STAU2: variants seen among roughly 807,000 people sequenced by gnomAD.
The protein encoded by STAU2 is double-stranded RNA-binding protein Staufen homolog 2.
In STAU2, 20 loss-of-function variants were observed where a neutral mutation model predicts 65.9. That is an observed-to-expected ratio of 0.30 (90% confidence interval 0.21 to 0.44). The LOEUF (loss-of-function observed/expected upper bound fraction) is 0.44. Ranked by LOEUF, STAU2 falls within the 20% of genes least tolerant of loss-of-function variation. The pLI is 1.00. For synonymous variants in STAU2, 232 were observed against 233.9 expected (o/e 0.99, Z 0.07); for missense variants, 558 against 683.9 (o/e 0.82, Z 2.05).
At chr8:73,745,357 A>G (rs1454100230) in intron 1 of STAU2, among the ~76,000 whole-genome samples, 3 of 152,232 alleles carry the variant, frequency 2.0e-5, no homozygotes, top group Admixed American at 2.0e-4. Context: ...AGATTTTTCC[A>G]CCGCAGCTGA....
chr8:73,528,066 A>G (rs983045005), intron 13 of STAU2, among the ~76,000 whole-genome samples: 1 of 152,162 alleles, frequency 6.6e-6, no homozygotes, highest in Non-Finnish European at 1.5e-5. Context: ...TAAATGCTAT[A>G]CCTATCTTTC....
At chr8:73,693,023 T>C (rs1819444223) in intron 4 of STAU2, among the ~76,000 whole-genome samples, 1 of 151,842 alleles carries the variant, frequency 6.6e-6, no homozygotes, top group Admixed American at 6.6e-5. Flanking sequence ...TATCCAGGCA[T>C]GGTGGTGCGC....
intron 13 of STAU2, among the ~76,000 whole-genome samples, chr8:73,536,776 T>C (rs908498573): frequency 2.6e-5 from 4 of 152,084 alleles, no homozygotes; most frequent in Admixed American, 1.3e-4. Context: ...AGGTGGAAAA[T>C]GTGAACTTCC....
chr8:73,560,651 C>T (rs2128948891), intron 12 of STAU2, among the ~76,000 whole-genome samples: 1 of 152,246 alleles, frequency 6.6e-6, no homozygotes, highest in Non-Finnish European at 1.5e-5. Context: ...GCACTTAGTC[C>T]AGTCTTGCCC....
chr8:73,536,601 C>T (rs1806201807), intron 13 of STAU2, among the ~76,000 whole-genome samples: 2 of 152,112 alleles, frequency 1.3e-5, no homozygotes, highest in Admixed American at 6.5e-5. Flanking sequence ...TTAGGATTTT[C>T]ATCCCTGTTG....
At chr8:73,569,902 T>C (rs183492570) in intron 12 of STAU2, among the ~76,000 whole-genome samples, 1 of 152,294 alleles carries the variant, frequency 6.6e-6, no homozygotes, top group East Asian at 1.9e-4. Context: ...TCAGAATGCC[T>C]CTTCTCCTCC....
At chr8:73,494,040 C>G (rs1385827345) in intron 13 of STAU2, among the ~76,000 whole-genome samples, 2 of 151,606 alleles carry the variant, frequency 1.3e-5, no homozygotes, top group Non-Finnish European at 3.0e-5. Flanking sequence ...CTGAGATTTA[C>G]TGAAAAGGGA....
chr8:73,481,182 C>T (rs1235692918), intron 13 of STAU2, among the ~76,000 whole-genome samples: 1 of 152,186 alleles, frequency 6.6e-6, no homozygotes, highest in South Asian at 2.1e-4. Flanking sequence ...CACTGTCTTG[C>T]TTTTTGTATT....
chr8:73,715,087 A>AC (rs1327095670), intron 3 of STAU2, among the ~76,000 whole-genome samples: 5 of 152,010 alleles, frequency 3.3e-5, no homozygotes, highest in African/African-American at 1.2e-4. Context: ...CGTCTCAAAA[A>AC]AAAAAAAAAA....
At chr8:73,597,594 C>T (rs1450446168) in intron 10 of STAU2, among the ~76,000 whole-genome samples, 1 of 146,004 alleles carries the variant, frequency 6.8e-6, no homozygotes. Flanking sequence ...TGCCTGGACC[C>T]AGGAGAAAGA....
At chr8:73,727,271 G>C (rs1421473514) in intron 3 of STAU2, among the ~76,000 whole-genome samples, 1 of 152,064 alleles carries the variant, frequency 6.6e-6, no homozygotes, top group Non-Finnish European at 1.5e-5. Flanking sequence ...TATTCCAGTG[G>C]TATTTAGTCC....
intron 13 of STAU2, among the ~76,000 whole-genome samples, chr8:73,512,980 G>A (rs929131023): frequency 6.6e-6 from 1 of 152,052 alleles, no homozygotes; most frequent in African/African-American, 2.4e-5. Context: ...TAGCTGCTTT[G>A]AAGTATCTGT....
At chr8:73,654,663 A>G (rs1224760959) in intron 6 of STAU2, among the ~76,000 whole-genome samples, 1 of 135,562 alleles carries the variant, frequency 7.4e-6, no homozygotes, top group African/African-American at 2.6e-5. Flanking sequence ...AAAAAAAAAG[A>G]ACTCTTTTAA....
chr8:73,694,066 TA>T (rs1322023072), intron 4 of STAU2, among the ~76,000 whole-genome samples: 2 of 152,208 alleles, frequency 1.3e-5, no homozygotes, highest in African/African-American at 4.8e-5. Flanking sequence ...AATATCAGAC[TA>T]AGTGGATTCC....
chr8:73,734,197 T>C (rs1409586091), intron 3 of STAU2, among the ~76,000 whole-genome samples: 1 of 150,198 alleles, frequency 6.7e-6, no homozygotes, highest in Non-Finnish European at 1.5e-5. Context: ...AGAAGTGGAA[T>C]TTTTTGTGAT....
rs865810119 is a variant in STAU2 at position 73,550,209 on chromosome 8, T to G, written c.1530+1803A>C. On this transcript the variant is annotated intron_variant, in intron 13 of 14. Transcript: ENST00000524300. ...TATGTAAAAATCACAATACACAGAT[T>G]TGGAAACATATAACGTGTCCATAAA... 30 of 985,140 alleles carry G rather than the reference T, an allele frequency of 3.0e-5. No individual in the cohort carries two copies. The Admixed American group carries it at 9.2e-4, about 30-fold the overall frequency. 61.0% of individuals were successfully genotyped at this position (985,140 alleles called of 1,614,324 possible).
intron 13 of STAU2, among the ~76,000 whole-genome samples, chr8:73,514,203 T>C: frequency 6.6e-6 from 1 of 152,316 alleles, no homozygotes; most frequent in Middle Eastern, 3.4e-3. Context: ...GCAATGTCTC[T>C]TTAGGAGAGA....
At chr8:73,560,245 T>C (rs1563422548) in intron 12 of STAU2, among the ~76,000 whole-genome samples, 1 of 151,942 alleles carries the variant, frequency 6.6e-6, no homozygotes, top group Non-Finnish European at 1.5e-5. Context: ...CATGCCTGGC[T>C]AATTTTTTAT....
chr8:73,716,182 G>A (rs563715523), intron 3 of STAU2, among the ~76,000 whole-genome samples: 32 of 150,680 alleles, frequency 2.1e-4, no homozygotes, highest in Admixed American at 1.4e-3. Context: ...TCCGCCTCCC[G>A]GGTTCACGCC....
Sources: allele counts gnomAD v4.1 joint callset (sites outside exome capture counted in the v4.1 genomes callset), GRCh38; gene constraint gnomAD v4.1.1; transcripts MANE v1.5; gene names NCBI Gene and HGNC (gene_info 2026-07-23, HGNC 2026-07-21).